Variants in SELP observed in about 807,000 individuals in gnomAD.
SELP encodes selectin P.
A neutral mutation model predicts 104.1 loss-of-function variants in SELP; 92 were observed. The observed-to-expected ratio is 0.88, with a 90% CI of 0.75 to 1.05. The LOEUF is 1.05. SELP is among the 50% of genes least tolerant of loss of function. The pLI, the probability that SELP is intolerant of heterozygous loss-of-function variation, is 0.00. For missense variants in SELP, 1,022 were observed against 1,017.3 expected (o/e 1.00, Z -0.06); for synonymous variants, 397 against 364.5 (o/e 1.09, Z -1.01).
chr1:169,602,240 G>A (rs953750650), intron 10 of SELP, among the ~76,000 whole-genome samples: 2 of 152,186 alleles, frequency 1.3e-5, no homozygotes, highest in African/African-American at 2.4e-5. Flanking sequence ...CACAGCTCCT[G>A]CCTTCAAGAA....
intron 1 of SELP, among the ~76,000 whole-genome samples, chr1:169,622,784 G>A (rs774199766): frequency 6.6e-6 from 1 of 152,154 alleles, no homozygotes; most frequent in Non-Finnish European, 1.5e-5. Flanking sequence ...AGCTTAAAAT[G>A]TGTAATCTTA....
intron 4 of SELP, 121 bp downstream of exon 4, chr1:169,613,465 A>G: frequency 2.7e-6 from 2 of 739,180 alleles, no homozygotes; most frequent in Non-Finnish European, 4.7e-6. Flanking sequence ...GAGGAGACAG[A>G]TGATAGAGGG....
Position 169,590,159 on chromosome 1 carries a change from G to C in SELP, c.2482C>G (p.Pro828Ala), listed in dbSNP as rs1042030327. 1.9e-6 allele frequency: 3 copies of C among 1,612,000 alleles called. No individual in the cohort carries two copies. The South Asian group carries it at 3.3e-5, about 18-fold the overall frequency. Residue 828 changes from proline (P) to alanine (A), a missense_variant, in exon 16 of 17, where the codon CCG (proline) becomes GCG (alanine). Coordinates refer to ENST00000263686, the MANE Select transcript of SELP (RefSeq NM_003005.4). ...ATAGGGATCTTACCTTAAGGACTCG[G>C]GTCAAATGCAGCGTTTGTAAAAACT... Reference protein sequence around the residue: ...YGVFTNAAFDPSP With the variant: ...YGVFTNAAFDASP
intron 16 of SELP, 181 bp from the exon 17 acceptor site, chr1:169,589,642 A>T (rs539956911): frequency 6.6e-6 from 1 of 152,296 alleles, no homozygotes; most frequent in African/African-American, 2.4e-5. Flanking sequence ...ATTGCTCATC[A>T]TATCTACACC....
Position 169,618,377 on chromosome 1 carries a change from CT to C in SELP, c.94+751del, listed in dbSNP as rs537056408. ...TATTAAGATAGGGCTCAGAACAGCC[CT>C]TTTTCACAAGTGTTTTTGATACCAA... On this transcript the variant is annotated intron_variant, in intron 2 of 16. Coordinates refer to ENST00000263686, the MANE Select transcript of SELP (RefSeq NM_003005.4). Among the ~76,000 whole-genome samples the C allele has an allele frequency of 4.9e-3, 746 of 152,212 alleles. 9 individuals carry two copies. The highest frequency in any genetic ancestry group is 6.4e-3 in the Admixed American group (98 of 15,294).
At chr1:169,610,757 C>T (rs556082869) in intron 7 of SELP, among the ~76,000 whole-genome samples, 3 of 152,042 alleles carry the variant, frequency 2.0e-5, no homozygotes, top group African/African-American at 7.2e-5. Context: ...TCAGCCTGGG[C>T]GACAGAGTGA....
At chr1:169,628,190 C>G (rs1663470455) in intron 1 of SELP, among the ~76,000 whole-genome samples, 1 of 152,216 alleles carries the variant, frequency 6.6e-6, no homozygotes, top group African/African-American at 2.4e-5. Context: ...GCCACTGAGC[C>G]CGGCCATAGC....
At chr1:169,604,078 G>T (rs1158445714) in intron 9 of SELP, among the ~76,000 whole-genome samples, 1 of 152,114 alleles carries the variant, frequency 6.6e-6, no homozygotes, top group Non-Finnish European at 1.5e-5. Context: ...CAGTGTAAAA[G>T]TGTTCCTATT....
chr1:169,603,021 CCT>C lies in SELP; in HGVS notation c.1705+3_1705+4del, dbSNP rs749686516. On this transcript the variant is annotated splice_donor_region_variant and intron_variant, in intron 10 of 16. Coordinates refer to ENST00000263686, the MANE Select transcript of SELP (RefSeq NM_003005.4). The stretch of plus-strand genomic sequence containing the variant: ...GCCATAAGAAAGGACAGACCCACAG[CCT>C]ACCTTCACACATTGGTGGGGAGTCT... 1 of 1,607,940 alleles carries C rather than the reference CCT, an allele frequency of 6.2e-7. No individual in the cohort carries two copies. The highest frequency in any genetic ancestry group is 1.7e-5 in the Admixed American group (1 of 59,784).
At chr1:169,599,108 T>C (rs1661769942) in intron 10 of SELP, among the ~76,000 whole-genome samples, 1 of 152,122 alleles carries the variant, frequency 6.6e-6, no homozygotes, top group African/African-American at 2.4e-5. Context: ...AGAATTTGGC[T>C]CTGGATCATG....
chr1:169,612,607 A>G (rs763621512), intron 5 of SELP, among the ~76,000 whole-genome samples: 4 of 152,204 alleles, frequency 2.6e-5, no homozygotes, highest in African/African-American at 9.7e-5. Context: ...TAAAATTATC[A>G]AATTAATAAT....
chr1:169,597,470 C>T (rs989449691), intron 10 of SELP, among the ~76,000 whole-genome samples: 1 of 152,212 alleles, frequency 6.6e-6, no homozygotes, highest in Non-Finnish European at 1.5e-5. Flanking sequence ...TTCTCTACAC[C>T]CTCTGCTTCA....
chr1:169,596,730 T>C (rs1167827801), intron 11 of SELP, among the ~76,000 whole-genome samples: 1 of 152,204 alleles, frequency 6.6e-6, no homozygotes, highest in East Asian at 1.9e-4. Context: ...ATGGAGACCA[T>C]TCCGTTCACT....
intron 11 of SELP, among the ~76,000 whole-genome samples, 200 bp from the exon 12 acceptor site, chr1:169,596,334 T>G (rs1459837408): frequency 1.3e-5 from 2 of 152,142 alleles, no homozygotes; most frequent in Admixed American, 1.3e-4. Context: ...AAATCATCCT[T>G]GAGGAGATGA....
In SELP at chr1:169,609,682, C is replaced by A. The variant is rs111890462; in HGVS notation, c.1155G>T (p.Ser385=). 1.2e-6 allele frequency: 2 copies of A among 1,609,738 alleles called. No individual in the cohort carries two copies. ...SAPLPTCEAI[S]CEPLESPVHG... ...GGACAGGACTCTCCAGCGGCTCACA[C>A]GAAATAGCTAAGTGGAAAAGGTATC... The change falls in exon 8 of 17, where the codon TCG becomes TCT. Residue 385 remains serine (S), a synonymous_variant. Coordinates refer to ENST00000263686, the MANE Select transcript of SELP (RefSeq NM_003005.4).
chr1:169,593,826 T>C, intron 13 of SELP, 102 bp from the exon 14 acceptor site: 1 of 1,170,976 alleles, frequency 8.5e-7, no homozygotes, highest in Non-Finnish European at 1.2e-6. Flanking sequence ...AGATGTGCGA[T>C]CAAGTAGGAT....
At chr1:169,606,275 C>T (rs1488805570) in intron 9 of SELP, among the ~76,000 whole-genome samples, 1 of 152,176 alleles carries the variant, frequency 6.6e-6, no homozygotes, top group African/African-American at 2.4e-5. Context: ...CGAGATTGTG[C>T]CATTACACTC....
At chr1:169,623,851 A>G (rs572118568) in intron 1 of SELP, among the ~76,000 whole-genome samples, 5 of 152,278 alleles carry the variant, frequency 3.3e-5, no homozygotes, top group Non-Finnish European at 7.4e-5. Flanking sequence ...ACTCCCCACC[A>G]CTGAGACTCA....
chr1:169,612,852 A>G, intron 5 of SELP, 77 bp downstream of exon 5: 1 of 1,243,710 alleles, frequency 8.0e-7, no homozygotes, highest in Non-Finnish European at 1.1e-6. Context: ...ACATTTTTTA[A>G]TGGAGAAAGC....
Sources: gnomAD v4.1 joint callset for allele counts (sites outside exome capture counted in the v4.1 genomes callset) on GRCh38, gnomAD v4.1.1 for gene constraint, MANE v1.5 for transcripts, NCBI Gene and HGNC (gene_info 2026-07-23, HGNC 2026-07-21) for gene names.